Variants in IFT80 observed in about 807,000 individuals in gnomAD.
IFT80 encodes intraflagellar transport protein 80 homolog.
IFT80 carries 79 observed loss-of-function variants against 107.9 expected under a neutral mutation model. The observed-to-expected ratio is 0.73, with a 90% confidence interval of 0.61 to 0.88. The LOEUF (loss-of-function observed/expected upper bound fraction) is 0.88, where lower values mean the gene tolerates loss of function less well. Ranked by LOEUF, IFT80 falls within the 40% of genes least tolerant of loss-of-function variation. IFT80 has a pLI of 0.00. For missense variants in IFT80, 797 were observed against 914.2 expected (o/e 0.87, Z 1.65); for synonymous variants, 299 against 300.9 (o/e 0.99, Z 0.07).
At chr3:160,395,439 C>A (rs1240301375) in intron 1 of IFT80, among the ~76,000 whole-genome samples, 1 of 152,206 alleles carries the variant, frequency 6.6e-6, no homozygotes, top group African/African-American at 2.4e-5. Context: ...TCTTTTCCCA[C>A]CTAAAAAGAA....
chr3:160,280,740 C>T lies in IFT80; in HGVS notation c.1591G>A (p.Val531Met). ...LCGLQDTRFI[V>M]WYYPNTVYVD... ...TAAACTGTATTGGGGTAATACCACA[C>T]TATAAATCGAGTATCTTGAAGTCCA... Residue 531 changes from valine to methionine, a missense_variant, in exon 15 of 20, where the codon GTG (valine) becomes ATG (methionine). Val to Met is a conservative substitution (Grantham distance 21, BLOSUM62 1). Coordinates refer to ENST00000326448, the MANE Select transcript of IFT80 (RefSeq NM_020800.3). 6.2e-7 allele frequency: 1 copy of T among 1,612,660 alleles called. No homozygotes were observed. Among genetic ancestry groups the T allele is most frequent in the Non-Finnish European group, 8.5e-7 (1 of 1,178,890 alleles).
chr3:160,308,987 C>T (rs1179369483), intron 9 of IFT80, among the ~76,000 whole-genome samples: 1 of 152,214 alleles, frequency 6.6e-6, no homozygotes, highest in African/African-American at 2.4e-5. Context: ...GACACTAAAT[C>T]TGCTGGCACC....
intron 18 of IFT80, among the ~76,000 whole-genome samples, chr3:160,272,205 T>C (rs1467718022): frequency 6.6e-6 from 1 of 151,978 alleles, no homozygotes; most frequent in African/African-American, 2.4e-5. Context: ...TGTGGATCTT[T>C]ATTGGATTCT....
In IFT80 at chr3:160,257,398, A is replaced by G. The variant is rs1444486618; in HGVS notation, c.*1127T>C. The G allele has an allele frequency of 6.6e-6, 1 of 152,052 alleles. No individual in the cohort carries two copies. The highest frequency in any genetic ancestry group is 1.5e-5 in the Non-Finnish European group (1 of 68,014). 9.4% of individuals were successfully genotyped at this position (152,052 alleles called of 1,614,324 possible). ...AAATGGGTTTGCAGAAGACTTTCTA[A>G]GGGGTATTTGTTTTATTGTTTAAAA... On this transcript the variant is annotated 3_prime_UTR_variant, in exon 20 of 20. Coordinates refer to ENST00000326448, the MANE Select transcript of IFT80 (RefSeq NM_020800.3).
chr3:160,307,774 T>A lies in IFT80; in HGVS notation c.965A>T (p.Asn322Ile). ...LTKRRAMQVR[N>I]VLNDAVDLLE... ...TAAATCCACTGCATCATTAAGAACATTACGAACCTAAACAAGGAAAAATAA... is the reference window on the plus strand; with the variant it reads ...TAAATCCACTGCATCATTAAGAACAATACGAACCTAAACAAGGAAAAATAA... Residue 322 changes from asparagine (N) to isoleucine (I), a missense_variant, in exon 10 of 20, where the codon AAT becomes ATT. Asn to Ile is a moderately radical substitution (Grantham distance 149). Coordinates refer to ENST00000326448, the MANE Select transcript of IFT80 (RefSeq NM_020800.3). 6.6e-7 allele frequency: 1 copy of A among 1,519,116 alleles called. No homozygotes were observed. 94.1% of individuals were successfully genotyped at this position (1,519,116 alleles called of 1,614,324 possible). A position where few individuals can be genotyped will look rare whatever the true frequency, so the allele number is the denominator to read the frequency against.
intron 8 of IFT80, among the ~76,000 whole-genome samples, chr3:160,329,269 T>G (rs1417404740): frequency 6.6e-6 from 1 of 152,166 alleles, no homozygotes; most frequent in Non-Finnish European, 1.5e-5. Context: ...TTTTTAACAC[T>G]CTAATTCTCT....
chr3:160,258,787 T>C (rs537230085), intron 19 of IFT80, 152 bp from the exon 20 acceptor site: 2 of 1,104,972 alleles, frequency 1.8e-6, no homozygotes, highest in East Asian at 2.6e-5. Context: ...AAAGAGAGCA[T>C]CAAAGTTAAG....
At position 160,280,652 on chromosome 3, in the gene IFT80, G is replaced by A. The variant is rs752199749; in HGVS notation, c.1664+15C>T. 11 of 1,601,992 alleles carry A rather than the reference G, an allele frequency of 6.9e-6. No homozygotes were observed. The highest frequency in any genetic ancestry group is 4.5e-5 in the East Asian group (2 of 44,696). On this transcript the variant is annotated intron_variant, in intron 15 of 19. Coordinates refer to ENST00000326448, the MANE Select transcript of IFT80 (RefSeq NM_020800.3). ...TATTTACTACAAAACAGAATTATAC[G>A]CAGTAAAATGTTACCTTGCATCCCT...
intron 6 of IFT80, among the ~76,000 whole-genome samples, chr3:160,359,498 C>A (rs1318610646): frequency 6.6e-6 from 1 of 152,104 alleles, no homozygotes; most frequent in African/African-American, 2.4e-5. Flanking sequence ...CCCAGCACGG[C>A]GTTTGAGCTC....
chr3:160,391,184 G>A (rs894145006), intron 1 of IFT80, among the ~76,000 whole-genome samples: 1 of 152,138 alleles, frequency 6.6e-6, no homozygotes, highest in Non-Finnish European at 1.5e-5. Flanking sequence ...AAAAGTTGCT[G>A]TATAACACCA....
intron 8 of IFT80, among the ~76,000 whole-genome samples, chr3:160,348,049 G>C (rs1267769859): frequency 6.6e-6 from 1 of 152,126 alleles, no homozygotes; most frequent in African/African-American, 2.4e-5. Context: ...TCCTGCTCAA[G>C]TGAAACTGAG....
chr3:160,291,778 C>CTGATGGGTGCA (rs1275080395), intron 12 of IFT80, among the ~76,000 whole-genome samples: 2 of 152,172 alleles, frequency 1.3e-5, no homozygotes, highest in Non-Finnish European at 2.9e-5. Flanking sequence ...CTGTGGGAAT[C>CTGATGGGTGCA]TGATGGGTGC....
chr3:160,278,725 G>A (rs566386182), intron 16 of IFT80, among the ~76,000 whole-genome samples: 1 of 152,214 alleles, frequency 6.6e-6, no homozygotes, highest in African/African-American at 2.4e-5. Flanking sequence ...GTATTCTAAG[G>A]AATGTTCACT....
chr3:160,271,391 TTGAA>T (rs1333492335), intron 18 of IFT80, among the ~76,000 whole-genome samples: 1 of 152,188 alleles, frequency 6.6e-6, no homozygotes, highest in South Asian at 2.1e-4. Flanking sequence ...TTTGCATAAC[TTGAA>T]TGAAGCGAAA....
chr3:160,298,352 C>A (rs1716150693), intron 12 of IFT80, among the ~76,000 whole-genome samples: 1 of 152,074 alleles, frequency 6.6e-6, no homozygotes, highest in Admixed American at 6.6e-5. Context: ...ATATTTTCCC[C>A]TCATTTTAAG....
intron 8 of IFT80, among the ~76,000 whole-genome samples, chr3:160,321,981 T>C (rs1350608624): frequency 6.6e-6 from 1 of 151,300 alleles, no homozygotes; most frequent in Admixed American, 6.6e-5. Flanking sequence ...GATCTGACAG[T>C]AGAAAGGGTC....
chr3:160,330,928 G>T lies in IFT80; in HGVS notation c.778-10989C>A, dbSNP rs77274279. 7.7e-3 allele frequency among the ~76,000 whole-genome samples: 1,180 copies of T among 152,272 alleles called. 22 individuals are homozygous for T. The highest frequency in any genetic ancestry group is 0.027 in the African/African-American group (1,131 of 41,542). ...ACAGGGATAGGTTCCAAGACCCTCA[G>T]TGGAGGCCTGAAGCCACAGATAGTA... On this transcript the variant is annotated intron_variant, in intron 8 of 19. Coordinates refer to ENST00000326448, the MANE Select transcript of IFT80 (RefSeq NM_020800.3).
chr3:160,259,459 C>T (rs532596563), intron 19 of IFT80, among the ~76,000 whole-genome samples: 1 of 152,162 alleles, frequency 6.6e-6, no homozygotes, highest in African/African-American at 2.4e-5. Context: ...TCATTAGCTT[C>T]CCCTAAGCAT....
At position 160,277,391 on chromosome 3, in the gene IFT80, T is replaced by C. The variant is rs767128122; in HGVS notation, c.2014A>G (p.Ile672Val). 14 of 1,613,656 alleles carry C rather than the reference T, an allele frequency of 8.7e-6. No homozygotes were observed. In the East Asian group the frequency reaches 3.1e-4, roughly 36 times the overall value. ...MAHILLFSGN[I>V]QEAEIVLLQA... is the part of the protein sequence containing the mutation. ...AGAAGTACTATTTCAGCCTCCTGTA[T>C]GTTCCCACTAAACAGTAGTATGTGG... Residue 672 changes from isoleucine (I) to valine (V), a missense_variant, in exon 18 of 20, where the codon ATA becomes GTA. Ile to Val is a conservative substitution (Grantham distance 29). Transcript: ENST00000326448.
Sources: gnomAD v4.1 joint callset for allele counts (sites outside exome capture counted in the v4.1 genomes callset) on GRCh38, gnomAD v4.1.1 for gene constraint, MANE v1.5 for transcripts, NCBI Gene and HGNC (gene_info 2026-07-23, HGNC 2026-07-21) for gene names.